The following TENM4 variants were observed in gnomAD, a reference collection of about 807,000 sequenced individuals.
The protein encoded by TENM4 is teneurin transmembrane protein 4, also known as teneurin-4.
TENM4 carries 82 observed loss-of-function variants against 243.3 expected under a neutral mutation model. The ratio of observed to expected loss-of-function variants is 0.34; its 90% CI spans 0.28 to 0.40. The LOEUF (loss-of-function observed/expected upper bound fraction) is 0.40. Among genes scored for constraint, TENM4 ranks in the 10% least tolerant of loss-of-function variants. The pLI, the probability that TENM4 is intolerant of heterozygous loss-of-function variation, is 1.00. For synonymous variants in TENM4, 1,412 were observed against 1,456.3 expected, an observed-to-expected ratio of 0.97 and a Z score of 0.69; for missense variants, 3,138 against 3,673.3, an observed-to-expected ratio of 0.85 and a Z score of 3.77.
chr11:78,871,970 C>G (rs1371694574), intron 9 of TENM4, among the ~76,000 whole-genome samples: 1 of 152,184 alleles, frequency 6.6e-6, no homozygotes. Flanking sequence ...TTTATTATGT[C>G]ATTCAAACTC....
rs181886495 is a variant in TENM4, at chr11:79,278,009, A to G, written c.-265+19479T>C. Among the ~76,000 whole-genome samples, 8 of 152,334 alleles carry G rather than the reference A, an allele frequency of 5.3e-5. No individual in the cohort carries two copies. The East Asian group carries it at 1.5e-3, about 29-fold the overall frequency. On this transcript the variant is annotated intron_variant, in intron 2 of 33. Coordinates refer to ENST00000278550, the MANE Select transcript of TENM4 (RefSeq NM_001098816.3). ...TTCTACAAAGTGCAAAAGAACAAAAAAGCTAATTCTGCCTGAGGCAGCATA... is the reference window on the plus strand; with the variant it reads ...TTCTACAAAGTGCAAAAGAACAAAAGAGCTAATTCTGCCTGAGGCAGCATA...
chr11:79,385,486 G>A, intron 1 of TENM4, among the ~76,000 whole-genome samples: 1 of 152,180 alleles, frequency 6.6e-6, no homozygotes, highest in Non-Finnish European at 1.5e-5. Flanking sequence ...CTGTTAAGAT[G>A]AGAGTATATA....
At chr11:79,012,826 A>G (rs1244265350) in intron 6 of TENM4, among the ~76,000 whole-genome samples, 5 of 152,132 alleles carry the variant, frequency 3.3e-5, no homozygotes, top group South Asian at 4.1e-4. Flanking sequence ...TGGCAGCTCC[A>G]TGGCACCAGT....
At chr11:78,768,774 G>A (rs540271060) in intron 18 of TENM4, among the ~76,000 whole-genome samples, 2 of 152,228 alleles carry the variant, frequency 1.3e-5, no homozygotes, top group Admixed American at 1.3e-4. Context: ...TTCCCCTGGG[G>A]TCTGCATCAG....
chr11:79,231,584 G>T (rs1005581794), intron 2 of TENM4, among the ~76,000 whole-genome samples: 5 of 152,174 alleles, frequency 3.3e-5, no homozygotes, highest in African/African-American at 7.2e-5. Flanking sequence ...CGTGACCTCA[G>T]CCAAGTTATT....
intron 3 of TENM4, among the ~76,000 whole-genome samples, chr11:79,159,229 T>C (rs1171159153): frequency 6.6e-6 from 1 of 152,152 alleles, no homozygotes; most frequent in Non-Finnish European, 1.5e-5. Context: ...GGTTCTTTGC[T>C]GTTATATCTT....
At chr11:79,054,587 C>G (rs964855562) in intron 6 of TENM4, among the ~76,000 whole-genome samples, 6 of 151,664 alleles carry the variant, frequency 4.0e-5, no homozygotes, top group African/African-American at 1.2e-4. Context: ...CAGCCTCGAT[C>G]ACCCAGGCCC....
rs535029843 is a variant in TENM4, at chr11:78,803,883, C to A, written c.2179+1409G>T. Among the ~76,000 whole-genome samples, 3 of 152,324 alleles carry A rather than the reference C, an allele frequency of 2.0e-5. No homozygotes were observed. The East Asian group carries it at 5.8e-4, about 29-fold the overall frequency. ...ATATAAAAAGAATTATTCCTAAGAC[C>A]CTGCACATCTGTGCTTACAATCATG... is the stretch of plus-strand genomic sequence containing the variant. On this transcript the variant is annotated intron_variant, in intron 15 of 33. Transcript: ENST00000278550.
chr11:79,305,021 CTCT>C, intron 1 of TENM4, among the ~76,000 whole-genome samples: 1 of 152,358 alleles, frequency 6.6e-6, no homozygotes. Context: ...AGGAAGTCAG[CTCT>C]TCTTGAAAGA....
At chr11:78,777,008 T>C (rs1242122245) in intron 17 of TENM4, among the ~76,000 whole-genome samples, 1 of 152,046 alleles carries the variant, frequency 6.6e-6, no homozygotes, top group Non-Finnish European at 1.5e-5. Flanking sequence ...TCAACTTCAG[T>C]TTCCTTTTTC....
intron 2 of TENM4, among the ~76,000 whole-genome samples, chr11:79,257,095 G>C (rs1855713737): frequency 6.6e-6 from 1 of 152,110 alleles, no homozygotes; most frequent in Non-Finnish European, 1.5e-5. Context: ...AGAAGAGGTG[G>C]CCTGAGCACA....
intron 13 of TENM4, among the ~76,000 whole-genome samples, chr11:78,813,506 C>G (rs1244507192): frequency 6.6e-6 from 1 of 152,188 alleles, no homozygotes; most frequent in Non-Finnish European, 1.5e-5. Flanking sequence ...TGGGTCTTGC[C>G]TAGCACAGGA....
rs1481541119 is a variant in TENM4, at chr11:78,726,333, G to T, written c.3407-111C>A. 8.3e-6 allele frequency: 11 copies of T among 1,326,966 alleles called. No individual in the cohort carries two copies. The East Asian group carries it at 2.7e-4, about 33-fold the overall frequency. 82.2% of individuals were successfully genotyped at this position (1,326,966 alleles called of 1,614,324 possible). A position where few individuals can be genotyped will look rare whatever the true frequency, so the allele number is the denominator to read the frequency against. ...ATCTTTTGTAGAAGAGGAAAAAAGG[G>T]TCATATTTCTAAGTGGCAACCAGAA... On this transcript the variant is annotated intron_variant, in intron 22 of 33. Coordinates refer to ENST00000278550, the MANE Select transcript of TENM4 (RefSeq NM_001098816.3).
intron 1 of TENM4, among the ~76,000 whole-genome samples, chr11:79,389,421 T>C (rs944593486): frequency 2.0e-5 from 3 of 152,268 alleles, no homozygotes; most frequent in African/African-American, 7.2e-5. Flanking sequence ...CCTCCCAAAA[T>C]GCTGGGATTA....
intron 5 of TENM4, among the ~76,000 whole-genome samples, chr11:79,067,133 A>G (rs1269699960): frequency 6.6e-6 from 1 of 152,212 alleles, no homozygotes; most frequent in South Asian, 2.1e-4. Flanking sequence ...CGGACCAGGC[A>G]TAAAAGAAGC....
chr11:78,840,146 T>C (rs2136170639), intron 12 of TENM4, among the ~76,000 whole-genome samples: 1 of 152,244 alleles, frequency 6.6e-6, no homozygotes, highest in East Asian at 1.9e-4. Context: ...GGTAGAACAA[T>C]CTCCCAAATG....
intron 6 of TENM4, among the ~76,000 whole-genome samples, chr11:79,056,000 C>T (rs1000853835): frequency 3.9e-5 from 6 of 152,278 alleles, no homozygotes; most frequent in Middle Eastern, 6.8e-3. Flanking sequence ...GAACTAGGCT[C>T]CCATAGGCAG....
chr11:79,163,798 C>CATATATAT lies in TENM4; in HGVS notation c.-162-15000_-162-14993dup, dbSNP rs59230413. On this transcript the variant is annotated intron_variant, in intron 3 of 33. Transcript: ENST00000278550. ...ACACATACATATATATATACACACACATATATATACACATATATATACATG... is the reference window on the plus strand; with the variant it reads ...ACACATACATATATATATACACACACATATATATATATATATACACATATATATACATG... Among the ~76,000 whole-genome samples the CATATATAT allele has an allele frequency of 4.6e-3, 660 of 144,832 alleles. 1 individual carries two copies. The highest frequency in any genetic ancestry group is 7.0e-3 in the South Asian group (33 of 4,688).
At chr11:78,911,922 G>A (rs1856194575) in intron 6 of TENM4, among the ~76,000 whole-genome samples, 1 of 152,184 alleles carries the variant, frequency 6.6e-6, no homozygotes, top group African/African-American at 2.4e-5. Flanking sequence ...TGAGTCTCAG[G>A]CAGTAGCCAC....
Sources: allele counts gnomAD v4.1 joint callset (sites outside exome capture counted in the v4.1 genomes callset), GRCh38; gene constraint gnomAD v4.1.1; transcripts MANE v1.5; gene names NCBI Gene and HGNC (gene_info 2026-07-23, HGNC 2026-07-21).